NOX4: variants seen among roughly 807,000 people sequenced by gnomAD.
NOX4 encodes NADPH oxidase 4, also known as kidney oxidase-1.
Under a neutral mutation model 87.6 loss-of-function variants are expected in NOX4, and 69 were observed. The ratio of observed to expected loss-of-function variants is 0.79; its 90% CI spans 0.65 to 0.96. The LOEUF (loss-of-function observed/expected upper bound fraction) is 0.96. NOX4 is among the 40% of genes least tolerant of loss of function. The pLI is 0.00. For missense variants in NOX4, 680 were observed against 681.5 expected (o/e 1.00, Z 0.02); for synonymous variants, 275 against 238.2 (o/e 1.15, Z -1.42).
intron 11 of NOX4, among the ~76,000 whole-genome samples, chr11:89,394,513 A>T (rs937656574): frequency 2.6e-5 from 4 of 152,008 alleles, no homozygotes; most frequent in African/African-American, 9.7e-5. Context: ...TTTTTTTATT[A>T]TTATTATATT....
chr11:89,433,414 A>C (rs1405955428), intron 6 of NOX4, among the ~76,000 whole-genome samples: 1 of 152,074 alleles, frequency 6.6e-6, no homozygotes, highest in Non-Finnish European at 1.5e-5. Context: ...ACTAAACATC[A>C]GTAATTAATG....
At chr11:89,332,238 A>G (rs1257503354) in intron 17 of NOX4, among the ~76,000 whole-genome samples, 1 of 151,826 alleles carries the variant, frequency 6.6e-6, no homozygotes, top group African/African-American at 2.4e-5. Flanking sequence ...ACAGGAGTAA[A>G]TGTGAGAGAC....
At chr11:89,569,173 T>G in the NOX4 span, among the ~76,000 whole-genome samples, 1 of 150,594 alleles carries the variant, frequency 6.6e-6, no homozygotes, top group Non-Finnish European at 1.5e-5. Flanking sequence ...ATGACAAAGA[T>G]TCCAAAATTG....
At chr11:89,550,682 G>A in the NOX4 span, among the ~76,000 whole-genome samples, 1 of 152,060 alleles carries the variant, frequency 6.6e-6, no homozygotes, top group Non-Finnish European at 1.5e-5. Flanking sequence ...TTTGTAGACT[G>A]TGTATATTAA....
chr11:89,426,517 C>T (rs1943425644), intron 7 of NOX4, among the ~76,000 whole-genome samples: 1 of 152,084 alleles, frequency 6.6e-6, no homozygotes, highest in Non-Finnish European at 1.5e-5. Flanking sequence ...TTGGGTCACT[C>T]CTACCCTAAT....
intron 2 of NOX4, among the ~76,000 whole-genome samples, chr11:89,472,021 C>T (rs1419695959): frequency 6.6e-6 from 1 of 152,184 alleles, no homozygotes; most frequent in East Asian, 1.9e-4. Flanking sequence ...GGTTTACAGG[C>T]ATGAGCTACT....
the NOX4 span, among the ~76,000 whole-genome samples, chr11:89,517,593 T>G: frequency 6.6e-6 from 1 of 151,812 alleles, no homozygotes; most frequent in Non-Finnish European, 1.5e-5. Context: ...CTCCCATCTG[T>G]TTTCTGAGTA....
intron 8 of NOX4, among the ~76,000 whole-genome samples, chr11:89,409,173 T>C (rs1210648868): frequency 6.6e-6 from 1 of 152,114 alleles, no homozygotes; most frequent in East Asian, 1.9e-4. Flanking sequence ...CAGTGGAGGA[T>C]AAAATATTTA....
chr11:89,483,613 G>A (rs1353120581), intron 2 of NOX4, among the ~76,000 whole-genome samples: 5 of 151,508 alleles, frequency 3.3e-5, no homozygotes, highest in Admixed American at 3.3e-4. Flanking sequence ...GGGGGTGGGA[G>A]GGGGTTGGGT....
intron 15 of NOX4, among the ~76,000 whole-genome samples, chr11:89,339,543 C>T (rs1945883420): frequency 6.6e-6 from 1 of 152,054 alleles, no homozygotes; most frequent in East Asian, 1.9e-4. Context: ...TCAAATGTTA[C>T]ACGTAGGATA....
the NOX4 span, among the ~76,000 whole-genome samples, chr11:89,526,391 T>A: frequency 6.6e-6 from 1 of 152,176 alleles, no homozygotes; most frequent in South Asian, 2.1e-4. Context: ...ATACTGAACA[T>A]GTTTCCCTGA....
chr11:89,487,968 G>C (rs1377416349), intron 2 of NOX4, among the ~76,000 whole-genome samples: 4 of 151,990 alleles, frequency 2.6e-5, no homozygotes, highest in East Asian at 1.9e-4. Flanking sequence ...CCAATAAAAG[G>C]TAATATACAG....
At chr11:89,339,560 G>T (rs1945884337) in intron 15 of NOX4, among the ~76,000 whole-genome samples, 1 of 152,134 alleles carries the variant, frequency 6.6e-6, no homozygotes, top group African/African-American at 2.4e-5. Context: ...GATAGGAAAA[G>T]ATTCCTGCTT....
chr11:89,584,752 C>A, the NOX4 span, among the ~76,000 whole-genome samples: 8 of 152,074 alleles, frequency 5.3e-5, no homozygotes, highest in South Asian at 1.7e-3. Flanking sequence ...GAATTCTCTA[C>A]CTGAAAAAGA....
At chr11:89,462,134 TA>T (rs112820442) in intron 2 of NOX4, among the ~76,000 whole-genome samples, 2,202 of 151,892 alleles carry the variant, frequency 0.014, 54 homozygotes, top group African/African-American at 0.05. Flanking sequence ...ATAAAAGTAA[TA>T]AAAAATGTAA....
intron 11 of NOX4, among the ~76,000 whole-genome samples, chr11:89,379,620 T>G (rs1421655834): frequency 6.6e-6 from 1 of 151,708 alleles, no homozygotes; most frequent in African/African-American, 2.4e-5. Context: ...CTAAGTGGAG[T>G]TGCACAAATT....
At chr11:89,499,705 A>G (rs1946997295), upstream of NOX4, among the ~76,000 whole-genome samples, 1 of 152,168 alleles carries the variant, frequency 6.6e-6, no homozygotes, top group Non-Finnish European at 1.5e-5. Context: ...GTTAGTGCAT[A>G]CCACACTGTA....
the NOX4 span, among the ~76,000 whole-genome samples, chr11:89,580,636 T>C: frequency 1.3e-5 from 2 of 152,144 alleles, no homozygotes; most frequent in South Asian, 4.1e-4. Context: ...ATTGGGAATA[T>C]GGAGGCTCAC....
chr11:89,422,250 G>C (rs1345553365), intron 7 of NOX4, among the ~76,000 whole-genome samples: 1 of 151,920 alleles, frequency 6.6e-6, no homozygotes, highest in Non-Finnish European at 1.5e-5. Context: ...TTATTTTCAA[G>C]TTATTATGAT....
Sources: allele counts gnomAD v4.1 joint callset (sites outside exome capture counted in the v4.1 genomes callset), GRCh38; gene constraint gnomAD v4.1.1; transcripts MANE v1.5; gene names NCBI Gene and HGNC (gene_info 2026-07-23, HGNC 2026-07-21).